The following CC2D2B variants were observed in gnomAD, a reference collection of about 807,000 sequenced individuals.
CC2D2B encodes the protein coiled-coil and C2 domain containing 2B.
CC2D2B carries 128 observed loss-of-function variants against 161.2 expected under a neutral mutation model. The observed-to-expected ratio is 0.79, with a 90% CI of 0.69 to 0.92. The LOEUF (loss-of-function observed/expected upper bound fraction) is 0.92, where lower values mean the gene tolerates loss of function less well. CC2D2B is among the 40% of genes least tolerant of loss of function. CC2D2B has a pLI of 0.00. For synonymous variants in CC2D2B, 391 were observed against 449.8 expected, an observed-to-expected ratio of 0.87 and a Z score of 1.65; for missense variants, 1,173 against 1,375.1, an observed-to-expected ratio of 0.85 and a Z score of 2.32.
chr10:96,019,292 G>GT lies in CC2D2B; in HGVS notation c.3724dup (p.Cys1242LeufsTer11). On this transcript the variant is annotated frameshift_variant, in exon 31 of 35. Coordinates refer to ENST00000646931, the MANE Select transcript of CC2D2B (RefSeq NM_001349008.3). LOFTEE classifies it high-confidence loss of function. The stretch of plus-strand genomic sequence containing the variant: ...GCCAATGTTATAAGCAGTTTGACCC[G>GT]TTTTGTCCCTTAAAAAGTGTAGATT... The GT allele has an allele frequency of 6.2e-7, 1 of 1,611,916 alleles. No individual in the cohort carries two copies. The highest frequency in any genetic ancestry group is 8.5e-7 in the Non-Finnish European group (1 of 1,179,412).
At chr10:95,959,016 A>T (rs141846681) in intron 11 of CC2D2B, among the ~76,000 whole-genome samples, 10 of 152,332 alleles carry the variant, frequency 6.6e-5, no homozygotes, top group African/African-American at 2.4e-4. Context: ...AAGGAACATT[A>T]CTATAGATGC....
intron 27 of CC2D2B, 55 bp downstream of exon 27, chr10:96,012,422 T>G (rs1245787442): frequency 1.3e-6 from 1 of 787,116 alleles, no homozygotes; most frequent in East Asian, 2.6e-5. Flanking sequence ...TATGAACTAT[T>G]TTAAAAACCA....
chr10:95,912,819 A>G (rs1052253364), intron 2 of CC2D2B, among the ~76,000 whole-genome samples: 4 of 152,054 alleles, frequency 2.6e-5, no homozygotes, highest in African/African-American at 7.2e-5. Flanking sequence ...CTTTTTGGAA[A>G]TTTTTAATTT....
intron 28 of CC2D2B, 45 bp from the exon 29 acceptor site, chr10:96,013,726 AAAGCATTGTGCTAAGTG>A: frequency 1.1e-6 from 1 of 936,076 alleles, no homozygotes; most frequent in African/African-American, 1.7e-5. Flanking sequence ...GAGTGCATGT[AAAGCATTGTGCTAAGTG>A]ATGGACATAC....
chr10:95,986,534 A>G (rs1017172349), intron 19 of CC2D2B, among the ~76,000 whole-genome samples: 15 of 151,878 alleles, frequency 9.9e-5, no homozygotes, highest in Non-Finnish European at 5.9e-5. Context: ...TGGGCATTTC[A>G]ATTTTGGGAT....
intron 31 of CC2D2B, 120 bp downstream of exon 31, chr10:96,019,457 G>A (rs935661841): frequency 1.1e-5 from 12 of 1,065,972 alleles, no homozygotes; most frequent in Non-Finnish European, 1.6e-5. Flanking sequence ...AGGGCATGGG[G>A]CCGGGGCAAT....
intron 25 of CC2D2B, among the ~76,000 whole-genome samples, chr10:96,005,639 G>A (rs10882709): frequency 0.3 from 45,803 of 151,714 alleles, 8,230 homozygotes; most frequent in Middle Eastern, 0.45. Context: ...CTTCCCACAG[G>A]TCTCCCTTTC....
intron 29 of CC2D2B, among the ~76,000 whole-genome samples, chr10:96,015,278 C>T (rs2079148610): frequency 7.7e-6 from 1 of 129,954 alleles, no homozygotes; most frequent in Non-Finnish European, 1.6e-5. Flanking sequence ...GGGGTTTCAC[C>T]ATGTTGGCCA....
intron 23 of CC2D2B, among the ~76,000 whole-genome samples, chr10:95,995,686 C>T (rs575786294): frequency 6.6e-6 from 1 of 152,154 alleles, no homozygotes; most frequent in Non-Finnish European, 1.5e-5. Flanking sequence ...CTAGTTGTTT[C>T]CTTTGCCTGG....
chr10:96,027,156 T>C (rs2079819553), intron 33 of CC2D2B, 56 bp from the exon 34 acceptor site: 5 of 1,243,614 alleles, frequency 4.0e-6, no homozygotes, highest in East Asian at 2.7e-5. Flanking sequence ...ACTCTTATTA[T>C]ATTTACCAAA....
intron 32 of CC2D2B, chr10:96,021,612 A>G (rs966636131): frequency 6.6e-6 from 1 of 152,236 alleles, no homozygotes; most frequent in African/African-American, 2.4e-5. Flanking sequence ...GCAAAATAAA[A>G]AGACATGAAA....
intron 12 of CC2D2B, 74 bp from the exon 13 acceptor site, chr10:95,965,822 T>TG (rs71034354): frequency 5.5e-5 from 23 of 418,300 alleles, no homozygotes; most frequent in African/African-American, 1.3e-4. Flanking sequence ...TGTGTGTGTG[T>TG]TGGCAAAATC....
intron 26 of CC2D2B, among the ~76,000 whole-genome samples, chr10:96,011,919 T>C (rs934249485): frequency 2.0e-5 from 3 of 152,200 alleles, no homozygotes; most frequent in African/African-American, 7.2e-5. Flanking sequence ...ATCGCTGGTA[T>C]CGTAACTTGC....
Position 96,012,627 on chromosome 10 carries a change from T to TA in CC2D2B, c.3326dup (p.Asn1109LysfsTer2). On this transcript the variant is annotated frameshift_variant, in exon 28 of 35. Transcript: ENST00000646931. LOFTEE classifies it high-confidence loss of function. ...ACCGAAGAATCGTAACTACTGTTTT[T>TA]AATGATGAAGGGATACAGTTCTTAG... 6.2e-7 allele frequency: 1 copy of TA among 1,611,912 alleles called. No individual in the cohort carries two copies. Among genetic ancestry groups the TA allele is most frequent in the South Asian group, 1.1e-5 (1 of 91,034 alleles).
chr10:96,015,231 A>ATTTTTTTTTTTTTTTTT (rs58739011), intron 29 of CC2D2B, among the ~76,000 whole-genome samples: 1 of 111,292 alleles, frequency 9.0e-6, no homozygotes, highest in Non-Finnish European at 1.7e-5. Context: ...GGCCCAGCTA[A>ATTTTTTTTTTTTTTTTT]TTTTTTTTTT....
chr10:96,030,175 A>T (rs1478077149), intron 34 of CC2D2B, among the ~76,000 whole-genome samples: 1 of 151,698 alleles, frequency 6.6e-6, no homozygotes, highest in Non-Finnish European at 1.5e-5. Context: ...CAAATGCGAA[A>T]CCCATGGATA....
chr10:96,019,200 C>A lies in CC2D2B; in HGVS notation c.3631-3C>A. 6.3e-7 allele frequency: 1 copy of A among 1,580,086 alleles called. No individual in the cohort carries two copies. Among genetic ancestry groups the A allele is most frequent in the Non-Finnish European group, 8.6e-7 (1 of 1,167,624 alleles). ...AAAAATTACTTTCTTTTTTCTCATA[C>A]AGGGGCATGTGGCTTATGTAGTAAC... On this transcript the variant is annotated splice_region_variant and splice_polypyrimidine_tract_variant and intron_variant, in intron 30 of 34. Transcript: ENST00000646931.
chr10:95,955,415 A>C lies in CC2D2B; in HGVS notation c.1033A>C (p.Thr345Pro), dbSNP rs1252666793. The C allele has an allele frequency of 2.5e-6, 1 of 398,218 alleles. No homozygotes were observed. Among genetic ancestry groups the C allele is most frequent in the Non-Finnish European group, 4.4e-6 (1 of 225,618 alleles). 24.7% of individuals were successfully genotyped at this position (398,218 alleles called of 1,614,324 possible). ...ATAGCTGAAAGCACTGACAGATGCTACCAAATTGTCAAATGAAAATTCAGA... is the reference window on the plus strand; with the variant it reads ...ATAGCTGAAAGCACTGACAGATGCTCCCAAATTGTCAAATGAAAATTCAGA... ...YEKLKALTDA[T>P]KLSNENSEIN... The change falls in exon 11 of 35, where the codon ACC (threonine) becomes CCC (proline). Residue 345 changes from threonine to proline, a missense_variant. Transcript: ENST00000646931.
At chr10:95,953,099 T>A (rs1466002686) in intron 10 of CC2D2B, among the ~76,000 whole-genome samples, 6 of 152,194 alleles carry the variant, frequency 3.9e-5, no homozygotes, top group African/African-American at 1.4e-4. Flanking sequence ...ATATATATAT[T>A]TTTCTAGATG....
Sources: allele counts gnomAD v4.1 joint callset (sites outside exome capture counted in the v4.1 genomes callset), GRCh38; gene constraint gnomAD v4.1.1; transcripts MANE v1.5; gene names NCBI Gene and HGNC (gene_info 2026-07-23, HGNC 2026-07-21).